Variants in LCLAT1 observed in about 807,000 individuals in gnomAD.
LCLAT1 encodes lysocardiolipin acyltransferase 1.
A neutral mutation model predicts 30.7 loss-of-function variants in LCLAT1; 11 were observed. The ratio of observed to expected loss-of-function variants is 0.36; its 90% CI spans 0.23 to 0.59. The LOEUF (loss-of-function observed/expected upper bound fraction) is 0.59, where lower values mean the gene tolerates loss of function less well. Ranked by LOEUF, LCLAT1 falls within the 20% of genes least tolerant of loss-of-function variation. The pLI, the probability that LCLAT1 is intolerant of heterozygous loss-of-function variation, is 0.77. For missense variants in LCLAT1, 402 were observed against 458.6 expected (o/e 0.88, Z 1.13); for synonymous variants, 155 against 151.3 (o/e 1.02, Z -0.18).
At chr2:30,495,440 C>A (rs926036715) in intron 1 of LCLAT1, among the ~76,000 whole-genome samples, 2 of 151,444 alleles carry the variant, frequency 1.3e-5, no homozygotes, top group African/African-American at 4.9e-5. Context: ...AATTTTTACC[C>A]CATAAGTAAA....
chr2:30,538,521 G>C (rs1026885390), intron 3 of LCLAT1, among the ~76,000 whole-genome samples: 1 of 152,028 alleles, frequency 6.6e-6, no homozygotes, highest in African/African-American at 2.4e-5. Flanking sequence ...TGTAATCCCA[G>C]CTCCTTGGGA....
chr2:30,559,242 A>G (rs1211814932), intron 3 of LCLAT1, among the ~76,000 whole-genome samples: 4 of 152,228 alleles, frequency 2.6e-5, no homozygotes, highest in Admixed American at 2.0e-4. Context: ...GAAATGTTCA[A>G]TATCTTAGTT....
intron 1 of LCLAT1, among the ~76,000 whole-genome samples, chr2:30,491,278 T>C (rs1044407875): frequency 6.6e-6 from 1 of 152,216 alleles, no homozygotes; most frequent in African/African-American, 2.4e-5. Flanking sequence ...GATACATTAG[T>C]GCCATGTGTA....
chr2:30,515,695 A>G (rs72856657), intron 1 of LCLAT1, among the ~76,000 whole-genome samples: 2,090 of 152,348 alleles, frequency 0.014, 36 homozygotes, highest in African/African-American at 0.047. Flanking sequence ...TTAAAACTGC[A>G]CTTAGTTTTC....
intron 1 of LCLAT1, chr2:30,476,395 T>G: frequency 6.6e-6 from 3 of 456,682 alleles, no homozygotes; most frequent in Non-Finnish European, 8.8e-6. Flanking sequence ...TTCATCTGTC[T>G]TTACAGCCAC....
intron 1 of LCLAT1, among the ~76,000 whole-genome samples, chr2:30,522,723 G>T (rs1437912680): frequency 6.6e-6 from 1 of 152,208 alleles, no homozygotes; most frequent in East Asian, 1.9e-4. Flanking sequence ...GATTTGGTCT[G>T]AGTAATCCCA....
At chr2:30,495,226 A>C (rs747086900) in intron 1 of LCLAT1, among the ~76,000 whole-genome samples, 1 of 152,194 alleles carries the variant, frequency 6.6e-6, no homozygotes, top group Non-Finnish European at 1.5e-5. Context: ...CCCACAAATC[A>C]TTATGTACAT....
intron 3 of LCLAT1, among the ~76,000 whole-genome samples, chr2:30,554,287 T>C (rs754136221): frequency 3.3e-5 from 5 of 152,230 alleles, no homozygotes; most frequent in Non-Finnish European, 7.3e-5. Context: ...TATGAGACTC[T>C]GCAGGATTAG....
chr2:30,485,143 A>G (rs78350453), intron 1 of LCLAT1, among the ~76,000 whole-genome samples: 5,332 of 152,256 alleles, frequency 0.035, 124 homozygotes, highest in Middle Eastern at 0.068. Context: ...AAGCATTGTG[A>G]TAAGAGATAT....
At chr2:30,618,387 T>A (rs552019311) in intron 5 of LCLAT1, among the ~76,000 whole-genome samples, 1 of 152,324 alleles carries the variant, frequency 6.6e-6, no homozygotes, top group East Asian at 1.9e-4. Flanking sequence ...TTTTCCAGTC[T>A]ATGAACATAG....
chr2:30,571,659 T>C (rs1197003907), intron 5 of LCLAT1, among the ~76,000 whole-genome samples: 2 of 152,170 alleles, frequency 1.3e-5, no homozygotes, highest in African/African-American at 4.8e-5. Flanking sequence ...CAGCATGTTT[T>C]AGGAGGCAAG....
chr2:30,455,410 C>G (rs188374064), intron 1 of LCLAT1, among the ~76,000 whole-genome samples: 2 of 152,274 alleles, frequency 1.3e-5, no homozygotes, highest in Admixed American at 1.3e-4. Flanking sequence ...GGCCAGAATT[C>G]TGAAATCATT....
chr2:30,608,593 T>C (rs553372421), intron 5 of LCLAT1, among the ~76,000 whole-genome samples: 65 of 152,208 alleles, frequency 4.3e-4, no homozygotes, highest in African/African-American at 1.0e-3. Flanking sequence ...TTTCTATGTT[T>C]AGACACACAA....
chr2:30,584,736 G>A (rs1484509840), intron 5 of LCLAT1, among the ~76,000 whole-genome samples: 1 of 152,122 alleles, frequency 6.6e-6, no homozygotes, highest in African/African-American at 2.4e-5. Context: ...GGGCCATCAG[G>A]CCTCTGTAAT....
At chr2:30,638,575 C>G (rs1189551203) in intron 5 of LCLAT1, among the ~76,000 whole-genome samples, 1 of 152,220 alleles carries the variant, frequency 6.6e-6, no homozygotes. Flanking sequence ...AAGTAACATT[C>G]AGAGACTCCG....
At chr2:30,460,420 G>C (rs954510515) in intron 1 of LCLAT1, among the ~76,000 whole-genome samples, 13 of 152,046 alleles carry the variant, frequency 8.6e-5, no homozygotes, top group Non-Finnish European at 1.5e-5. Flanking sequence ...CTCCCCCTCA[G>C]CCTTTTTCTA....
intron 1 of LCLAT1, among the ~76,000 whole-genome samples, chr2:30,458,924 T>C (rs932676978): frequency 6.6e-6 from 1 of 152,218 alleles, no homozygotes; most frequent in African/African-American, 2.4e-5. Flanking sequence ...TGTATATACT[T>C]ATATTTATAA....
At chr2:30,525,458 C>T in intron 1 of LCLAT1, 129 bp from the exon 2 acceptor site, 1 of 714,278 alleles carries the variant, frequency 1.4e-6, no homozygotes, top group Non-Finnish European at 2.4e-6. Context: ...AATTCAGACT[C>T]TTATATTGTT....
At chr2:30,599,054 C>T (rs1033203722) in intron 5 of LCLAT1, among the ~76,000 whole-genome samples, 2 of 151,768 alleles carry the variant, frequency 1.3e-5, no homozygotes, top group Non-Finnish European at 1.5e-5. Flanking sequence ...GTGATCTCGG[C>T]TCACTGCAAC....
Sources: allele counts gnomAD v4.1 joint callset (sites outside exome capture counted in the v4.1 genomes callset), GRCh38; gene constraint gnomAD v4.1.1; transcripts MANE v1.5; gene names NCBI Gene and HGNC (gene_info 2026-07-23, HGNC 2026-07-21).